The following ZBTB25 variants were observed in gnomAD, a reference collection of about 807,000 sequenced individuals.
ZBTB25 encodes zinc finger and BTB domain containing 25, also known as zinc finger and BTB domain-containing protein 25.
ZBTB25 carries 20 observed loss-of-function variants against 34.2 expected under a neutral mutation model. That is an observed-to-expected ratio of 0.58 (90% CI 0.41 to 0.85). The LOEUF (loss-of-function observed/expected upper bound fraction) is 0.85. ZBTB25 is among the 40% of genes least tolerant of loss of function. The pLI, the probability that ZBTB25 is intolerant of heterozygous loss-of-function variation, is 0.00. For synonymous variants in ZBTB25, 175 were observed against 186.4 expected (o/e 0.94, Z 0.50); for missense variants, 437 against 521.8 (o/e 0.84, Z 1.58).
chr14:64,486,255 T>C lies in ZBTB25; in HGVS notation c.*668A>G. 1.1e-6 allele frequency: 1 copy of C among 951,732 alleles called. No homozygotes were observed. The highest frequency in any genetic ancestry group is 4.9e-5 in the South Asian group (1 of 20,514). 59.0% of individuals were successfully genotyped at this position (951,732 alleles called of 1,614,324 possible). A position where few individuals can be genotyped will look rare whatever the true frequency, so the allele number is the denominator to read the frequency against. ...AGGCGGAGCTTGCAGTCAGCCGAGA[T>C]CGCGCCACTGCGCCCCAGCCTGGGC... On this transcript the variant is annotated 3_prime_UTR_variant, in exon 3 of 3. Transcript: ENST00000608382.
At position 64,503,203 on chromosome 14, in the gene ZBTB25, T is replaced by C. The variant is rs900619641; in HGVS notation, c.-8+458A>G. The stretch of plus-strand genomic sequence containing the variant: ...AGATAGAAAAGGGGGGGATGTCTTC[T>C]TGCCCTAGAAACGAGGTAATCACAA... On this transcript the variant is annotated intron_variant, in intron 1 of 2. Coordinates refer to ENST00000608382, the MANE Select transcript of ZBTB25 (RefSeq NM_006977.5). 4 of 985,370 alleles carry C rather than the reference T, an allele frequency of 4.1e-6. No homozygotes were observed. In the African/African-American group the frequency reaches 5.2e-5, roughly 13 times the overall value. The allele number at this position is 985,370 out of a possible 1,614,324, so 61.0% of individuals were successfully genotyped here.
intron 2 of ZBTB25, among the ~76,000 whole-genome samples, chr14:64,454,152 GC>G (rs796989973): frequency 6.6e-5 from 10 of 152,280 alleles, no homozygotes; most frequent in African/African-American, 2.4e-4. Context: ...TGGCTCCATT[GC>G]CCAGGCTAGA....
At chr14:64,504,474 G>T (rs891502236), upstream of ZBTB25, 1 of 156,304 alleles carries the variant, frequency 6.4e-6, no homozygotes, top group Admixed American at 6.5e-5. Context: ...GGAGGAGGAG[G>T]TCCCAAGCCT....
chr14:64,500,748 C>A (rs1042924451), intron 1 of ZBTB25, among the ~76,000 whole-genome samples: 2 of 150,782 alleles, frequency 1.3e-5, no homozygotes, highest in African/African-American at 4.9e-5. Flanking sequence ...CATGGATAGT[C>A]AAATGGATAA....
intron 1 of ZBTB25, 37 bp from the exon 2 acceptor site, chr14:64,490,577 T>A: frequency 1.3e-6 from 2 of 1,546,824 alleles, no homozygotes; most frequent in South Asian, 2.5e-5. Context: ...GATAGGTGTG[T>A]ATGTATATAC....
intron 1 of ZBTB25, among the ~76,000 whole-genome samples, chr14:64,501,216 A>G (rs545081532): frequency 9.9e-5 from 15 of 152,284 alleles, no homozygotes; most frequent in African/African-American, 3.6e-4. Context: ...GGTTATTTTC[A>G]AAACCTATTA....
At chr14:64,464,454 G>C (rs1473956182) in intron 2 of ZBTB25, among the ~76,000 whole-genome samples, 1 of 152,176 alleles carries the variant, frequency 6.6e-6, no homozygotes, top group Non-Finnish European at 1.5e-5. Flanking sequence ...TGTGTCTCAA[G>C]AGTTCTTTCC....
chr14:64,476,419 A>G (rs2078719876), downstream of ZBTB25, among the ~76,000 whole-genome samples: 1 of 152,194 alleles, frequency 6.6e-6, no homozygotes, highest in Non-Finnish European at 1.5e-5. Context: ...TCCACATCCC[A>G]GGTTCAAGCT....
At chr14:64,494,695 G>C (rs1365217913) in intron 1 of ZBTB25, among the ~76,000 whole-genome samples, 1 of 152,058 alleles carries the variant, frequency 6.6e-6, no homozygotes, top group East Asian at 1.9e-4. Context: ...GACATGACAG[G>C]ACAGGACATT....
At chr14:64,449,537 G>C (rs778588478) in exon 3 of ZBTB25, 6 of 1,614,160 alleles carry the variant, frequency 3.7e-6, no homozygotes, top group African/African-American at 1.3e-5. Flanking sequence ...TGGGCAGAAG[G>C]GGGCAAGGGT....
At chr14:64,468,555 A>T (rs778633708) in intron 2 of ZBTB25, 5 of 1,614,110 alleles carry the variant, frequency 3.1e-6, no homozygotes, top group African/African-American at 1.3e-5. Flanking sequence ...GCTGGCTCTG[A>T]AGCTGCTGAT....
chr14:64,453,216 A>T (rs1357920347), intron 2 of ZBTB25, among the ~76,000 whole-genome samples: 1 of 152,124 alleles, frequency 6.6e-6, no homozygotes, highest in Non-Finnish European at 1.5e-5. Flanking sequence ...GCATATATAG[A>T]TATAAAAACT....
intron 1 of ZBTB25, among the ~76,000 whole-genome samples, chr14:64,495,106 T>C (rs1317509580): frequency 2.0e-5 from 3 of 152,248 alleles, no homozygotes; most frequent in African/African-American, 7.2e-5. Flanking sequence ...CTTTGGCTAA[T>C]TATGGGGTCA....
intron 2 of ZBTB25, chr14:64,468,656 C>A: frequency 6.2e-7 from 1 of 1,613,944 alleles, no homozygotes; most frequent in Non-Finnish European, 8.5e-7. Context: ...TCTTGTAACA[C>A]GCAGGAAAAG....
intron 2 of ZBTB25, chr14:64,454,971 T>C (rs2078445269): frequency 7.7e-7 from 1 of 1,299,632 alleles, no homozygotes; most frequent in East Asian, 2.3e-5. Context: ...TGAGCAGAGT[T>C]CACTGCCCAG....
chr14:64,488,726 A>G (rs560103298), intron 2 of ZBTB25, among the ~76,000 whole-genome samples: 4 of 152,282 alleles, frequency 2.6e-5, no homozygotes, highest in African/African-American at 9.6e-5. Context: ...TAGAAAGTAA[A>G]TTAGCGGTTT....
intron 2 of ZBTB25, chr14:64,453,666 G>A: frequency 1.3e-6 from 1 of 776,398 alleles, no homozygotes; most frequent in Non-Finnish European, 2.3e-6. Flanking sequence ...CCCTTTTAGG[G>A]ACTCTGACCT....
At chr14:64,493,979 C>T (rs1270707519) in intron 1 of ZBTB25, among the ~76,000 whole-genome samples, 2 of 151,954 alleles carry the variant, frequency 1.3e-5, no homozygotes, top group African/African-American at 4.8e-5. Flanking sequence ...CTAGAGAGAG[C>T]AGAGCCAGAG....
chr14:64,503,155 A>G, intron 1 of ZBTB25: 1 of 985,560 alleles, frequency 1.0e-6, no homozygotes, highest in Non-Finnish European at 1.2e-6. Flanking sequence ...GGATATGCTT[A>G]GAACAAGATA....
Sources: allele counts gnomAD v4.1 joint callset (sites outside exome capture counted in the v4.1 genomes callset), GRCh38; gene constraint gnomAD v4.1.1; transcripts MANE v1.5; gene names NCBI Gene and HGNC (gene_info 2026-07-23, HGNC 2026-07-21).